WWP1: variants seen among roughly 807,000 people sequenced by gnomAD.
WWP1 encodes the protein WW domain containing E3 ubiquitin protein ligase 1, also known as NEDD4-like E3 ubiquitin-protein ligase WWP1.
In WWP1, 49 loss-of-function variants were observed where a neutral mutation model predicts 130.6. The observed-to-expected ratio is 0.38, with a 90% CI of 0.30 to 0.48. The LOEUF (loss-of-function observed/expected upper bound fraction) is 0.48. Among genes scored for constraint, WWP1 ranks in the 20% least tolerant of loss-of-function variants. WWP1 has a pLI of 0.99. For synonymous variants in WWP1, 332 were observed against 367.8 expected, an observed-to-expected ratio of 0.90 and a Z score of 1.11; for missense variants, 809 against 1,100.6, an observed-to-expected ratio of 0.74 and a Z score of 3.75.
chr8:86,412,744 GGCT>G (rs1808659160), intron 9 of WWP1, among the ~76,000 whole-genome samples: 1 of 147,486 alleles, frequency 6.8e-6, no homozygotes, highest in Non-Finnish European at 1.5e-5. Context: ...GCCCTTTACT[GGCT>G]CGTCTGATGT....
chr8:86,401,459 C>T (rs1807974395), intron 7 of WWP1, among the ~76,000 whole-genome samples: 1 of 151,322 alleles, frequency 6.6e-6, no homozygotes, highest in South Asian at 2.1e-4. Context: ...GATCAAGAGG[C>T]TGAGGCAGGA....
chr8:86,376,142 G>A (rs190562586), intron 3 of WWP1, among the ~76,000 whole-genome samples: 1 of 152,312 alleles, frequency 6.6e-6, no homozygotes, highest in East Asian at 1.9e-4. Context: ...CTTTTGCTCT[G>A]TATAAGAAGC....
chr8:86,385,109 C>A (rs1563484847), intron 5 of WWP1, among the ~76,000 whole-genome samples: 1 of 151,892 alleles, frequency 6.6e-6, no homozygotes, highest in Non-Finnish European at 1.5e-5. Flanking sequence ...GAAAAATATT[C>A]AGTACTAAAA....
At chr8:86,387,028 C>T (rs929320757) in intron 5 of WWP1, 5 of 152,190 alleles carry the variant, frequency 3.3e-5, no homozygotes, top group Admixed American at 1.3e-4. Context: ...TAATTCCATC[C>T]GTGAGGACTG....
chr8:86,465,152 T>C (rs1474270285), intron 24 of WWP1, among the ~76,000 whole-genome samples: 1 of 152,120 alleles, frequency 6.6e-6, no homozygotes, highest in African/African-American at 2.4e-5. Flanking sequence ...CTAAGATTGC[T>C]AGGCAAAATT....
chr8:86,402,869 C>G (rs1244636972), intron 8 of WWP1, among the ~76,000 whole-genome samples: 2 of 152,122 alleles, frequency 1.3e-5, no homozygotes, highest in Non-Finnish European at 2.9e-5. Flanking sequence ...ATGAATGGTT[C>G]TTTTATCCCA....
intron 5 of WWP1, among the ~76,000 whole-genome samples, chr8:86,389,430 C>A (rs1825486166): frequency 6.6e-6 from 1 of 152,134 alleles, no homozygotes; most frequent in African/African-American, 2.4e-5. Flanking sequence ...CCATTTAACC[C>A]TGAGTGGATA....
At chr8:86,419,518 C>T (rs980456312) in intron 9 of WWP1, among the ~76,000 whole-genome samples, 2 of 152,108 alleles carry the variant, frequency 1.3e-5, no homozygotes, top group African/African-American at 2.4e-5. Flanking sequence ...ATGGAATACT[C>T]AAAGGACTAA....
intron 14 of WWP1, 77 bp downstream of exon 14, chr8:86,431,820 GTTTAGC>G: frequency 6.4e-7 from 1 of 1,573,152 alleles, no homozygotes; most frequent in Non-Finnish European, 8.6e-7. Context: ...TTATCCTCAA[GTTTAGC>G]AAAACATTTT....
intron 7 of WWP1, among the ~76,000 whole-genome samples, chr8:86,401,260 T>G (rs1807962573): frequency 6.6e-6 from 1 of 152,096 alleles, no homozygotes; most frequent in African/African-American, 2.4e-5. Context: ...CAAGATTTAA[T>G]AAAGTTATAA....
At chr8:86,401,694 ATAT>A (rs1263713863) in intron 7 of WWP1, among the ~76,000 whole-genome samples, 1 of 152,158 alleles carries the variant, frequency 6.6e-6, no homozygotes, top group African/African-American at 2.4e-5. Flanking sequence ...TACAATTTGA[ATAT>A]TATTGTGGGA....
At chr8:86,431,917 A>G (rs868002954) in intron 14 of WWP1, among the ~76,000 whole-genome samples, 174 bp downstream of exon 14, 16 of 152,232 alleles carry the variant, frequency 1.1e-4, no homozygotes, top group African/African-American at 3.9e-4. Flanking sequence ...GATTTGCAGC[A>G]TGTAAACTAT....
At chr8:86,421,460 A>G (rs948441035) in intron 9 of WWP1, among the ~76,000 whole-genome samples, 3 of 151,870 alleles carry the variant, frequency 2.0e-5, no homozygotes, top group Admixed American at 1.3e-4. Context: ...TTTAAAGAAA[A>G]TAAGCACTCT....
At chr8:86,409,222 C>CTTTTTT (rs1808444436) in intron 8 of WWP1, among the ~76,000 whole-genome samples, 1 of 121,310 alleles carries the variant, frequency 8.2e-6, no homozygotes, top group Non-Finnish European at 1.7e-5. Flanking sequence ...TTTTCTTTTT[C>CTTTTTT]TTTCTTTTTT....
In WWP1 at chr8:86,459,515, A is replaced by G. The variant is rs201546677; in HGVS notation, c.2499+1490A>G. Among the ~76,000 whole-genome samples the G allele has an allele frequency of 5.3e-5, 8 of 152,220 alleles. No individual in the cohort carries two copies. In the East Asian group the frequency reaches 1.2e-3, roughly 22 times the overall value. ...AAATATGTCATCTTTGAAAAGGCAG[A>G]GAAAAAACTGGAAACAGTTCTATAG... On this transcript the variant is annotated intron_variant, in intron 22 of 24. Transcript: ENST00000517970.
chr8:86,380,895 T>C, intron 4 of WWP1, 31 bp downstream of exon 4: 1 of 1,549,574 alleles, frequency 6.5e-7, no homozygotes, highest in Non-Finnish European at 8.7e-7. Flanking sequence ...ACGGAAAATC[T>C]TCACAAGAAA....
At chr8:86,362,478 G>T (rs904168165) in intron 1 of WWP1, among the ~76,000 whole-genome samples, 7 of 151,854 alleles carry the variant, frequency 4.6e-5, no homozygotes, top group African/African-American at 1.2e-4. Context: ...CAGTAGAGTG[G>T]TGAGGGCAGC....
At chr8:86,386,512 A>G (rs1324297849) in intron 5 of WWP1, among the ~76,000 whole-genome samples, 2 of 151,906 alleles carry the variant, frequency 1.3e-5, no homozygotes, top group African/African-American at 2.4e-5. Context: ...TGTCTTGACA[A>G]TGATGCAGGC....
chr8:86,362,720 A>C (rs1009097105), intron 1 of WWP1, among the ~76,000 whole-genome samples: 2 of 152,178 alleles, frequency 1.3e-5, no homozygotes, highest in Non-Finnish European at 2.9e-5. Flanking sequence ...ATACCACTTC[A>C]GAAAGTAGGA....
Sources: gnomAD v4.1 joint callset for allele counts (sites outside exome capture counted in the v4.1 genomes callset) on GRCh38, gnomAD v4.1.1 for gene constraint, MANE v1.5 for transcripts, NCBI Gene and HGNC (gene_info 2026-07-23, HGNC 2026-07-21) for gene names.